Variants in CLASP2 observed in about 807,000 individuals in gnomAD.
The protein encoded by CLASP2 is CLIP-associating protein 2.
In CLASP2, 47 loss-of-function variants were observed where a neutral mutation model predicts 194.4. The ratio of observed to expected loss-of-function variants is 0.24; its 90% CI spans 0.19 to 0.31. The LOEUF is 0.31. Among genes scored for constraint, CLASP2 ranks in the 10% least tolerant of loss-of-function variants. The pLI is 1.00. For synonymous variants in CLASP2, 619 were observed against 633.5 expected (o/e 0.98, Z 0.34); for missense variants, 1,445 against 1,823.6 (o/e 0.79, Z 3.78).
intron 33 of CLASP2, among the ~76,000 whole-genome samples, chr3:33,537,114 G>T (rs2057490108): frequency 6.6e-6 from 1 of 152,064 alleles, no homozygotes; most frequent in African/African-American, 2.4e-5. Flanking sequence ...GCTAATAACT[G>T]CCAGGAACCG....
At chr3:33,627,104 T>C in intron 9 of CLASP2, 24 bp from the exon 10 acceptor site, 2 of 1,320,244 alleles carry the variant, frequency 1.5e-6, no homozygotes, top group Non-Finnish European at 2.1e-6. Context: ...TTCAGAATTA[T>C]AACAATGTTT....
At position 33,632,437 on chromosome 3, in the gene CLASP2, A is replaced by G. The variant is rs955467406; in HGVS notation, c.863-66T>C. The G allele has an allele frequency of 5.4e-6, 6 of 1,110,142 alleles. No homozygotes were observed. In the African/African-American group the frequency reaches 8.0e-5, roughly 15 times the overall value. The allele number at this position is 1,110,142 out of a possible 1,614,324, so 68.8% of individuals were successfully genotyped here. On this transcript the variant is annotated intron_variant, in intron 8 of 38. Transcript: ENST00000682230. ...TAAGCATCTTAACATTAATGACAACATGAAAAATAAAACTCTTTTGATATC... is the reference window on the plus strand; with the variant it reads ...TAAGCATCTTAACATTAATGACAACGTGAAAAATAAAACTCTTTTGATATC...
At chr3:33,668,903 GAA>G (rs1202592117) in intron 6 of CLASP2, among the ~76,000 whole-genome samples, 1 of 152,180 alleles carries the variant, frequency 6.6e-6, no homozygotes, top group Non-Finnish European at 1.5e-5. Flanking sequence ...CGAGGAGGGA[GAA>G]ATGGTAAGAA....
At chr3:33,526,163 G>A (rs2054512616) in intron 34 of CLASP2, among the ~76,000 whole-genome samples, 3 of 151,742 alleles carry the variant, frequency 2.0e-5, no homozygotes, top group Admixed American at 2.0e-4. Flanking sequence ...AGTAGAGATG[G>A]GTTTTTACCA....
At chr3:33,540,242 T>C (rs2154141981) in intron 32 of CLASP2, among the ~76,000 whole-genome samples, 1 of 149,824 alleles carries the variant, frequency 6.7e-6, no homozygotes, top group East Asian at 2.0e-4. Context: ...ATTTTTTTTT[T>C]TTTTTTTTTT....
intron 36 of CLASP2, 107 bp from the exon 37 acceptor site, chr3:33,510,871 T>C: frequency 1.0e-6 from 1 of 1,000,790 alleles, no homozygotes; most frequent in South Asian, 1.7e-5. Context: ...GGAATTTGCT[T>C]TGAAAATGCT....
chr3:33,626,743 A>G (rs2078123384), intron 10 of CLASP2, among the ~76,000 whole-genome samples: 1 of 150,082 alleles, frequency 6.7e-6, no homozygotes, highest in South Asian at 2.1e-4. Flanking sequence ...AGTCAAAAAC[A>G]GCACACGTGG....
chr3:33,705,447 T>C (rs760425647), intron 1 of CLASP2, among the ~76,000 whole-genome samples: 1 of 152,122 alleles, frequency 6.6e-6, no homozygotes, highest in Non-Finnish European at 1.5e-5. Flanking sequence ...TTGGAGGTGA[T>C]GAAAATGTTT....
chr3:33,696,825 T>C (rs954155219), intron 2 of CLASP2, 30 bp downstream of exon 2: 1 of 1,360,964 alleles, frequency 7.3e-7, no homozygotes, highest in Admixed American at 2.0e-5. Context: ...AAATCTTATT[T>C]AGAATTGTAA....
chr3:33,554,807 T>A (rs902973667), intron 29 of CLASP2: 1 of 153,142 alleles, frequency 6.5e-6, no homozygotes, highest in Non-Finnish European at 1.5e-5. Flanking sequence ...AAATTATGAT[T>A]CCATGAAAGA....
At chr3:33,619,537 G>C (rs2076778887) in intron 12 of CLASP2, 66 bp downstream of exon 12, 3 of 1,432,404 alleles carry the variant, frequency 2.1e-6, no homozygotes, top group Admixed American at 2.5e-5. Flanking sequence ...GAGAGAAAAA[G>C]GGGGAGGAAG....
intron 1 of CLASP2, among the ~76,000 whole-genome samples, chr3:33,702,090 C>G (rs1016064843): frequency 6.6e-6 from 1 of 152,092 alleles, no homozygotes; most frequent in African/African-American, 2.4e-5. Flanking sequence ...TTGCAAAATA[C>G]TTATCTGATA....
At chr3:33,599,564 T>C (rs767163039) in intron 18 of CLASP2, among the ~76,000 whole-genome samples, 1 of 152,138 alleles carries the variant, frequency 6.6e-6, no homozygotes, top group African/African-American at 2.4e-5. Context: ...ACCAATAGAC[T>C]GAGAGAGATT....
chr3:33,575,761 T>TAAA (rs1455725312), intron 24 of CLASP2, among the ~76,000 whole-genome samples: 2 of 152,110 alleles, frequency 1.3e-5, no homozygotes, highest in Non-Finnish European at 2.9e-5. Context: ...TACTTTCTTT[T>TAAA]AGTTCAAAAA....
intron 34 of CLASP2, among the ~76,000 whole-genome samples, chr3:33,532,997 T>C (rs1373116299): frequency 6.6e-6 from 1 of 152,232 alleles, no homozygotes; most frequent in Non-Finnish European, 1.5e-5. Context: ...TTCTTTGTAC[T>C]GTACTCCCAA....
intron 8 of CLASP2, among the ~76,000 whole-genome samples, chr3:33,637,022 C>G (rs918994124): frequency 2.6e-5 from 4 of 152,104 alleles, no homozygotes; most frequent in Non-Finnish European, 5.9e-5. Flanking sequence ...CTTAGGACAA[C>G]TGAGAAAACT....
intron 6 of CLASP2, among the ~76,000 whole-genome samples, chr3:33,669,527 G>A (rs898740805): frequency 4.6e-5 from 7 of 151,618 alleles, no homozygotes; most frequent in Non-Finnish European, 8.8e-5. Context: ...ACAATGGCTT[G>A]TATACAGAAC....
rs529904232 is a variant in CLASP2 at position 33,651,002 on chromosome 3, C to G, written c.716-6099G>C. Among the ~76,000 whole-genome samples the G allele has an allele frequency of 1.2e-4, 19 of 152,282 alleles. 1 individual carries two copies. Among genetic ancestry groups the G allele is most frequent in the Admixed American group, 1.1e-3 (17 of 15,300 alleles). On this transcript the variant is annotated intron_variant, in intron 7 of 38. Coordinates refer to ENST00000682230, the MANE Select transcript of CLASP2 (RefSeq NM_001365631.1). ...ACTCATTTGGTGGCATTAAACTCAT[C>G]TGAACTCAGTTTATAACAAAACATG...
intron 29 of CLASP2, among the ~76,000 whole-genome samples, chr3:33,556,211 A>C (rs1386912613): frequency 6.6e-6 from 1 of 152,178 alleles, no homozygotes; most frequent in Non-Finnish European, 1.5e-5. Context: ...AGAGATGTAA[A>C]ATTTTATATA....
Sources: allele counts gnomAD v4.1 joint callset (sites outside exome capture counted in the v4.1 genomes callset), GRCh38; gene constraint gnomAD v4.1.1; transcripts MANE v1.5; gene names NCBI Gene and HGNC (gene_info 2026-07-23, HGNC 2026-07-21).